The following HCK variants were observed in gnomAD, a reference collection of about 807,000 sequenced individuals.
HCK encodes the protein tyrosine-protein kinase HCK.
A neutral mutation model predicts 70.4 loss-of-function variants in HCK; 40 were observed. That is an observed-to-expected ratio of 0.57 (90% CI 0.44 to 0.74). The LOEUF is 0.74. Ranked by LOEUF, HCK falls within the 30% of genes least tolerant of loss-of-function variation. The pLI is 0.00. For synonymous variants in HCK, 245 were observed against 263.2 expected, an observed-to-expected ratio of 0.93 and a Z score of 0.67; for missense variants, 568 against 697.2, an observed-to-expected ratio of 0.81 and a Z score of 2.09.
intron 2 of HCK, 149 bp downstream of exon 2, chr20:32,071,931 T>G: frequency 2.1e-6 from 2 of 943,032 alleles, no homozygotes; most frequent in South Asian, 1.8e-5. Flanking sequence ...GACTCGACTC[T>G]CCGGGACGCA....
chr20:32,069,731 T>C (rs2045510783), intron 1 of HCK: 19 of 1,261,208 alleles, frequency 1.5e-5, no homozygotes, highest in Non-Finnish European at 1.9e-5. Context: ...GGCAAATCTT[T>C]CCCAGTTCCC....
At chr20:32,061,212 G>C (rs185016898) in intron 1 of HCK, among the ~76,000 whole-genome samples, 2 of 152,146 alleles carry the variant, frequency 1.3e-5, no homozygotes, top group Admixed American at 6.5e-5. Flanking sequence ...TTGAACTCCT[G>C]ACCTTGTGAT....
intron 1 of HCK, among the ~76,000 whole-genome samples, chr20:32,059,277 A>C (rs2045325018): frequency 2.8e-5 from 1 of 35,630 alleles, no homozygotes; most frequent in African/African-American, 1.7e-4. Flanking sequence ...GTAATGTTTT[A>C]ATCTTCCTTC....
chr20:32,094,404 G>A (rs933366538), intron 11 of HCK, among the ~76,000 whole-genome samples: 1 of 152,132 alleles, frequency 6.6e-6, no homozygotes, highest in African/African-American at 2.4e-5. Flanking sequence ...AACTGGCCAG[G>A]CTCAGTGGCT....
In HCK at chr20:32,079,819, G is replaced by T; in HGVS notation, c.474G>T (p.Leu158=). 1 of 1,614,156 alleles carries T rather than the reference G, an allele frequency of 6.2e-7. No individual in the cohort carries two copies. ...GCCGGAAGGACGCAGAGCGCCAACT[G>T]CTGGCTCCCGGCAACATGCTGGGCT... The change falls in exon 6 of 13, where the codon CTG becomes CTT. Residue 158 remains leucine (L), a synonymous_variant. Transcript: ENST00000375852.
chr20:32,094,700 AAAAGAAAAGAAAGAAAG>A lies in HCK; in HGVS notation c.1246+692_1246+708del, dbSNP rs1465162906. On this transcript the variant is annotated intron_variant, in intron 11 of 12. Transcript: ENST00000375852. ...AGATCTTGTCAAAAGAAAAGAAAAGAAAAGAAAAGAAAGAAAGAAAGAAAGAAAGAAAGAAAGAAAGA... is the reference window on the plus strand; with the variant it reads ...AGATCTTGTCAAAAGAAAAGAAAAGAAAAGAAAGAAAGAAAGAAAGAAAGA... 7.4e-4 allele frequency among the ~76,000 whole-genome samples: 67 copies of A among 90,714 alleles called. 2 individuals are homozygous for A. The highest frequency in any genetic ancestry group is 1.1e-3 in the Non-Finnish European group (49 of 46,276). 59.5% of individuals were successfully genotyped at this position (90,714 alleles called of 152,430 possible).
At chr20:32,082,537 G>C (rs932323389) in intron 6 of HCK, among the ~76,000 whole-genome samples, 2 of 152,142 alleles carry the variant, frequency 1.3e-5, no homozygotes, top group Non-Finnish European at 2.9e-5. Context: ...AGCTACTCAG[G>C]AGGCTGAGGT....
At chr20:32,058,975 C>G (rs953062596) in intron 1 of HCK, among the ~76,000 whole-genome samples, 8 of 152,216 alleles carry the variant, frequency 5.3e-5, no homozygotes, top group African/African-American at 1.7e-4. Flanking sequence ...AATTCTCTAG[C>G]ACTTTCGGCT....
chr20:32,071,919 C>T, intron 2 of HCK, 137 bp downstream of exon 2: 1 of 1,046,438 alleles, frequency 9.6e-7, no homozygotes, highest in South Asian at 1.6e-5. Context: ...CAACAGTGTC[C>T]TGACTCGACT....
rs1254050301 is a variant in HCK, at chr20:32,057,555, G to C, written c.62+5069G>C. The stretch of plus-strand genomic sequence containing the variant: ...GTGAAGGTTGCAGTGATCTGAGACT[G>C]CACCACTGTACTCCAGCCTGGGTGA... On this transcript the variant is annotated intron_variant, in intron 1 of 12. Transcript: ENST00000375852. 2.0e-5 allele frequency among the ~76,000 whole-genome samples: 3 copies of C among 152,104 alleles called. No homozygotes were observed. The East Asian group carries it at 5.8e-4, about 29-fold the overall frequency.
At chr20:32,082,513 G>T (rs2045721907) in intron 6 of HCK, among the ~76,000 whole-genome samples, 1 of 151,946 alleles carries the variant, frequency 6.6e-6, no homozygotes, top group Non-Finnish European at 1.5e-5. Flanking sequence ...GTAGTGGCGG[G>T]CGTCTGTAAT....
In HCK at chr20:32,071,754, T is replaced by C. The variant is rs369611440; in HGVS notation, c.155T>C (p.Val52Ala). Reference sequence around the variant, plus strand: ...GCCAGCCCACACTGTCCTGTGTACGTGCCGGATCCCACATCCACCATCAAG... The same window carrying C: ...GCCAGCCCACACTGTCCTGTGTACGCGCCGGATCCCACATCCACCATCAAG... The change falls in exon 2 of 13, where the codon GTG becomes GCG. Residue 52 changes from valine (V) to alanine (A), a missense_variant. By Grantham distance (64) the Val-to-Ala change is moderately conservative (BLOSUM62 0). Around this residue, in one of 4 missense-constraint regions of HCK, gnomAD observed 318 missense variants for 336.0 expected, o/e 0.95. Transcript: ENST00000375852. 17 of 1,613,828 alleles carry C rather than the reference T, an allele frequency of 1.1e-5. No homozygotes were observed. In the African/African-American group the frequency reaches 1.6e-4, roughly 15 times the overall value.
chr20:32,063,859 C>T (rs1291535521), intron 1 of HCK, among the ~76,000 whole-genome samples: 1 of 151,686 alleles, frequency 6.6e-6, no homozygotes, highest in Non-Finnish European at 1.5e-5. Context: ...TCAGGCGAGG[C>T]TTAATCCAAG....
chr20:32,058,393 G>A lies in HCK; in HGVS notation c.62+5907G>A, dbSNP rs866047658. ...CTAAAAATGCAAAAATTAGCCGGGC[G>A]TGGTGGCGGGCGCCTGTAATTTCAG... is the stretch of plus-strand genomic sequence containing the variant. On this transcript the variant is annotated intron_variant, in intron 1 of 12. Coordinates refer to ENST00000375852, the MANE Select transcript of HCK (RefSeq NM_002110.5). 6.6e-5 allele frequency among the ~76,000 whole-genome samples: 10 copies of A among 152,086 alleles called. 1 individual carries two copies. Among genetic ancestry groups the A allele is most frequent in the East Asian group, 1.9e-4 (1 of 5,154 alleles).
At chr20:32,061,586 G>C (rs996430406) in intron 1 of HCK, among the ~76,000 whole-genome samples, 1 of 152,224 alleles carries the variant, frequency 6.6e-6, no homozygotes, top group African/African-American at 2.4e-5. Context: ...TGGGAGTTGG[G>C]GGGCAGAGGA....
Position 32,083,927 on chromosome 20 carries a change from C to G in HCK, c.566C>G (p.Pro189Arg). 1 of 1,614,164 alleles carries G rather than the reference C, an allele frequency of 6.2e-7. No individual in the cohort carries two copies. The highest frequency in any genetic ancestry group is 8.5e-7 in the Non-Finnish European group (1 of 1,180,034). Residue 189 changes from proline to arginine, a missense_variant, in exon 7 of 13, where the codon CCT becomes CGT. Transcript: ENST00000375852. ...TCTTTGTCCGTGCGAGACTACGACC[C>G]TCGGCAGGGAGATACCGTGAAACAT... is the stretch of plus-strand genomic sequence containing the variant.
chr20:32,075,706 T>TCATC (rs56660439), intron 5 of HCK, among the ~76,000 whole-genome samples: 16,895 of 150,438 alleles, frequency 0.11, 1,405 homozygotes, highest in African/African-American at 0.24. Flanking sequence ...ATCCATCCAT[T>TCATC]CATCCATCCA....
At chr20:32,064,634 C>T (rs1014503123) in intron 1 of HCK, among the ~76,000 whole-genome samples, 3 of 152,146 alleles carry the variant, frequency 2.0e-5, no homozygotes, top group African/African-American at 7.2e-5. Context: ...ACACCCTCAG[C>T]CCTTGCAGGT....
At chr20:32,076,390 TC>T (rs2045626761) in intron 5 of HCK, among the ~76,000 whole-genome samples, 1 of 152,118 alleles carries the variant, frequency 6.6e-6, no homozygotes. Context: ...TAGCTGTTTC[TC>T]TCTCCTTCTT....
Sources: allele counts gnomAD v4.1 joint callset (sites outside exome capture counted in the v4.1 genomes callset), GRCh38; gene constraint gnomAD v4.1.1; regional missense constraint gnomAD v4.1.1; transcripts MANE v1.5; gene names NCBI Gene and HGNC (gene_info 2026-07-23, HGNC 2026-07-21).